Variants in ZCRB1 observed in about 807,000 individuals in gnomAD.
ZCRB1 encodes zinc finger CCHC-type and RNA-binding motif-containing protein 1.
In ZCRB1, 21 loss-of-function variants were observed where a neutral mutation model predicts 29.9. The ratio of observed to expected loss-of-function variants is 0.70; its 90% CI spans 0.50 to 1.01. The LOEUF is 1.01. Among genes scored for constraint, ZCRB1 ranks in the 50% least tolerant of loss-of-function variants. ZCRB1 has a pLI of 0.00. For synonymous variants in ZCRB1, 77 were observed against 80.0 expected (o/e 0.96, Z 0.20); for missense variants, 204 against 253.3 (o/e 0.81, Z 1.32).
At chr12:42,318,553 A>G (rs1263573078) in intron 3 of ZCRB1, among the ~76,000 whole-genome samples, 1 of 152,212 alleles carries the variant, frequency 6.6e-6, no homozygotes, top group Non-Finnish European at 1.5e-5. Flanking sequence ...GAGAGCACAG[A>G]GCCTGCTCTT....
In ZCRB1 at chr12:42,312,984, A is replaced by G; in HGVS notation, c.*83T>C. On this transcript the variant is annotated 3_prime_UTR_variant, in exon 8 of 8. Transcript: ENST00000266529. ...TAATAGTATTAACATGATAGTATTA[A>G]TTTTTCTTATTTTTATTAAAATTAG... is the stretch of plus-strand genomic sequence containing the variant. 2 of 1,311,690 alleles carry G rather than the reference A, an allele frequency of 1.5e-6. No individual in the cohort carries two copies. The highest frequency in any genetic ancestry group is 2.0e-6 in the Non-Finnish European group (2 of 999,416). The allele number at this position is 1,311,690 out of a possible 1,614,324, so 81.3% of individuals were successfully genotyped here. A position where few individuals can be genotyped will look rare whatever the true frequency, so the allele number is the denominator to read the frequency against.
In ZCRB1 at chr12:42,317,849, A is replaced by T. The variant is rs770310277; in HGVS notation, c.163T>A (p.Phe55Ile). The T allele has an allele frequency of 3.1e-6, 5 of 1,613,934 alleles. No homozygotes were observed. In the South Asian group the frequency reaches 5.5e-5, roughly 18 times the overall value. The change falls in exon 4 of 8, where the codon TTT becomes ATT. Residue 55 changes from phenylalanine to isoleucine, a missense_variant. Transcript: ENST00000266529. ...GAGTCTTTATCCAAAAATAAAATAA[A>T]TGCAACCCCTTTACTCTTCCTGGTA... ...KDTRKSKGVA[F>I]ILFLDKDSAQ...
chr12:42,317,176 G>A (rs986879778), intron 5 of ZCRB1, among the ~76,000 whole-genome samples, 164 bp downstream of exon 5: 1 of 152,150 alleles, frequency 6.6e-6, no homozygotes, highest in African/African-American at 2.4e-5. Flanking sequence ...TCACTGCACT[G>A]GGTGACAGAG....
rs2068603199 is a variant in ZCRB1, at chr12:42,318,000, AAATT to A, written c.114-106_114-103del. The A allele has an allele frequency of 7.0e-6, 6 of 857,368 alleles. No homozygotes were observed. In the South Asian group the frequency reaches 8.8e-5, roughly 13 times the overall value. 53.1% of individuals were successfully genotyped at this position (857,368 alleles called of 1,614,324 possible). A position where few individuals can be genotyped will look rare whatever the true frequency, so the allele number is the denominator to read the frequency against. ...AAAAAGGGCTAAAAATTTATAAGAT[AAATT>A]AATACATTTGAAAAATCAGCTATCT... On this transcript the variant is annotated intron_variant, in intron 3 of 7. Transcript: ENST00000266529.
At chr12:42,324,340 G>A (rs950312995) in intron 1 of ZCRB1, among the ~76,000 whole-genome samples, 2 of 152,088 alleles carry the variant, frequency 1.3e-5, no homozygotes, top group African/African-American at 4.8e-5. Context: ...TAGAGACAGT[G>A]TTTCACCATG....
intron 5 of ZCRB1, among the ~76,000 whole-genome samples, chr12:42,314,388 C>G (rs953379943): frequency 3.3e-4 from 35 of 105,702 alleles, no homozygotes; most frequent in African/African-American, 1.2e-3. Context: ...GGTGAAATCC[C>G]GTCTCTACTA....
intron 5 of ZCRB1, among the ~76,000 whole-genome samples, chr12:42,314,321 A>G (rs2068583967): frequency 2.1e-5 from 3 of 140,202 alleles, no homozygotes; most frequent in South Asian, 4.7e-4. Flanking sequence ...GCACTTTGGG[A>G]AGCCGAGGTG....
At position 42,317,323 on chromosome 12, in the gene ZCRB1, G is replaced by A; in HGVS notation, c.333+17C>T. On this transcript the variant is annotated intron_variant, in intron 5 of 7. Transcript: ENST00000266529. ...CTTAAACTATGGAAAGTTCCATTAAGTTTTAGGTTTACTTACCCCACATTC... is the reference window on the plus strand; with the variant it reads ...CTTAAACTATGGAAAGTTCCATTAAATTTTAGGTTTACTTACCCCACATTC... 1 of 1,565,108 alleles carries A rather than the reference G, an allele frequency of 6.4e-7. No individual in the cohort carries two copies. Among genetic ancestry groups the A allele is most frequent in the Non-Finnish European group, 8.7e-7 (1 of 1,150,774 alleles).
chr12:42,324,628 T>G lies in ZCRB1; in HGVS notation c.-2-524A>C, dbSNP rs116300839. Among the ~76,000 whole-genome samples, 823 of 152,366 alleles carry G rather than the reference T, an allele frequency of 5.4e-3. 8 individuals carry two copies. The highest frequency in any genetic ancestry group is 0.019 in the African/African-American group (787 of 41,582). On this transcript the variant is annotated intron_variant, in intron 1 of 7. Transcript: ENST00000266529. ...GGAACAATGACTCCAGCAGGCTGAA[T>G]TAAGGAATTCCTTTTTCCCAGTCAC...
chr12:42,317,298 C>T, intron 5 of ZCRB1, 42 bp downstream of exon 5: 1 of 1,454,794 alleles, frequency 6.9e-7, no homozygotes, highest in Non-Finnish European at 9.4e-7. Context: ...TGAAAAGTAT[C>T]TTAAACTATG....
At chr12:42,316,939 G>A (rs1331845167) in intron 5 of ZCRB1, among the ~76,000 whole-genome samples, 1 of 152,160 alleles carries the variant, frequency 6.6e-6, no homozygotes, top group Non-Finnish European at 1.5e-5. Flanking sequence ...AGGCACCATG[G>A]CTAACACCTG....
At position 42,312,188 on chromosome 12, in the gene ZCRB1, A is replaced by G. The variant is rs1180421420; in HGVS notation, c.*879T>C. The G allele has an allele frequency of 6.6e-6, 1 of 152,184 alleles. No homozygotes were observed. Among genetic ancestry groups the G allele is most frequent in the Non-Finnish European group, 1.5e-5 (1 of 68,030 alleles). The allele number at this position is 152,184 out of a possible 1,614,324, so 9.4% of individuals were successfully genotyped here. On this transcript the variant is annotated 3_prime_UTR_variant, in exon 8 of 8. Coordinates refer to ENST00000266529, the MANE Select transcript of ZCRB1 (RefSeq NM_033114.4). ...TTCTATTGCTTTTACTAGTTAAAAA[A>G]GTAATGGGCATTCTTACAAAGTTAA...
intron 1 of ZCRB1, among the ~76,000 whole-genome samples, chr12:42,324,882 G>A (rs969196425): frequency 2.0e-5 from 3 of 152,218 alleles, no homozygotes; most frequent in African/African-American, 7.2e-5. Context: ...GAAAGAGCAT[G>A]GGGACTCAGA....
chr12:42,319,677 T>C (rs528885227), intron 3 of ZCRB1, among the ~76,000 whole-genome samples: 3 of 152,252 alleles, frequency 2.0e-5, no homozygotes, highest in Non-Finnish European at 4.4e-5. Context: ...TCCGTTATGC[T>C]AGTCTCTGCT....
chr12:42,324,002 C>A lies in ZCRB1; in HGVS notation c.84+17G>T. ...ATCTGTATCTCAAATAGCAGTCACTCGATAAGATTTACTTACCCGGTACAA... is the reference window on the plus strand; with the variant it reads ...ATCTGTATCTCAAATAGCAGTCACTAGATAAGATTTACTTACCCGGTACAA... On this transcript the variant is annotated intron_variant, in intron 2 of 7. Coordinates refer to ENST00000266529, the MANE Select transcript of ZCRB1 (RefSeq NM_033114.4). The A allele has an allele frequency of 1.2e-6, 2 of 1,601,756 alleles. No individual in the cohort carries two copies. Among genetic ancestry groups the A allele is most frequent in the South Asian group, 1.1e-5 (1 of 90,780 alleles).
chr12:42,324,086 G>C lies in ZCRB1; in HGVS notation c.17C>G (p.Ala6Gly). The change falls in exon 2 of 8, where the codon GCT becomes GGT. Residue 6 changes from alanine to glycine, a missense_variant. Physicochemically the swap from Ala to Gly is moderately conservative, Grantham distance 60 (BLOSUM62 0). Coordinates refer to ENST00000266529, the MANE Select transcript of ZCRB1 (RefSeq NM_033114.4). MSGGL[A>G]PSKSTVYVSN... ...TACATACACTGTGCTCTTACTTGGA[G>C]CCAATCCACCACTCATTTCTAAAAG... 6.2e-7 allele frequency: 1 copy of C among 1,614,068 alleles called. No individual in the cohort carries two copies. Among genetic ancestry groups the C allele is most frequent in the Middle Eastern group, 1.6e-4 (1 of 6,062 alleles).
In ZCRB1 at chr12:42,326,072, A is replaced by G. The variant is rs914194214; in HGVS notation, c.-151T>C. Reference sequence around the variant, plus strand: ...GCGCGGAGAGCAGATAATAGCAGCCACGGTGCTTCTTCCCGACTGTTTGAG... The same window carrying G: ...GCGCGGAGAGCAGATAATAGCAGCCGCGGTGCTTCTTCCCGACTGTTTGAG... On this transcript the variant is annotated 5_prime_UTR_variant, in exon 1 of 8. Transcript: ENST00000266529. The G allele has an allele frequency of 2.3e-4, 35 of 152,320 alleles. No individual in the cohort carries two copies. The highest frequency in any genetic ancestry group is 8.2e-4 in the African/African-American group (34 of 41,486). The allele number at this position is 152,320 out of a possible 1,614,324, so 9.4% of individuals were successfully genotyped here.
At chr12:42,314,543 T>C (rs945822622) in intron 5 of ZCRB1, among the ~76,000 whole-genome samples, 1 of 150,650 alleles carries the variant, frequency 6.6e-6, no homozygotes, top group African/African-American at 2.4e-5. Flanking sequence ...GATCATTCCG[T>C]TGCACTCCAG....
At chr12:42,322,680 G>GA (rs1421080086) in intron 2 of ZCRB1, among the ~76,000 whole-genome samples, 3 of 152,074 alleles carry the variant, frequency 2.0e-5, no homozygotes, top group Non-Finnish European at 4.4e-5. Context: ...TAAATACAGA[G>GA]AAAAAAACTC....
Sources: gnomAD v4.1 joint callset for allele counts (sites outside exome capture counted in the v4.1 genomes callset) on GRCh38, gnomAD v4.1.1 for gene constraint, MANE v1.5 for transcripts, NCBI Gene and HGNC (gene_info 2026-07-23, HGNC 2026-07-21) for gene names.